The following LILRB5 variants were observed in gnomAD, a reference collection of about 807,000 sequenced individuals.
The protein encoded by LILRB5 is leukocyte immunoglobulin like receptor B5.
Under a neutral mutation model 68.4 loss-of-function variants are expected in LILRB5, and 61 were observed. The ratio of observed to expected loss-of-function variants is 0.89; its 90% confidence interval spans 0.73 to 1.10. The LOEUF (loss-of-function observed/expected upper bound fraction) is 1.10. Among genes scored for constraint, LILRB5 ranks in the 50% least tolerant of loss-of-function variants. LILRB5 has a pLI of 0.00. For missense variants in LILRB5, 771 were observed against 751.6 expected (o/e 1.03, Z -0.30); for synonymous variants, 356 against 315.8 (o/e 1.13, Z -1.35).
intron 8 of LILRB5, 31 bp from the exon 9 acceptor site, chr19:54,253,018 G>A (rs767902113): frequency 6.9e-7 from 1 of 1,448,614 alleles, no homozygotes; most frequent in Non-Finnish European, 9.4e-7. Context: ...GAATGGGGAT[G>A]ACGTCATTGA....
At chr19:54,253,759 A>T in intron 8 of LILRB5, 2 of 1,308,436 alleles carry the variant, frequency 1.5e-6, no homozygotes, top group Non-Finnish European at 2.1e-6. Context: ...CTGCAGGGAA[A>T]GAGCCTGAAT....
intron 11 of LILRB5, 106 bp downstream of exon 11, chr19:54,252,260 C>A: frequency 7.0e-7 from 1 of 1,428,042 alleles, no homozygotes; most frequent in Non-Finnish European, 9.8e-7. Flanking sequence ...AGACCGCCTC[C>A]CCCTTGGCCC....
At chr19:54,254,467 A>G in intron 6 of LILRB5, 52 bp from the exon 7 acceptor site, 1 of 1,526,942 alleles carries the variant, frequency 6.5e-7, no homozygotes, top group African/African-American at 1.4e-5. Context: ...GAGTGAGGAA[A>G]CCCGTCCCTC....
chr19:54,254,752 TG>T lies in LILRB5; in HGVS notation c.1237del (p.Gln413ArgfsTer49). The stretch of plus-strand genomic sequence containing the variant: ...GCCCTCACCTGAGACCACGAGCTCC[TG>T]GGGGTAACTAGGGCTGGACAGCAGG... ...PYLLSSPSYP[Q>X]ELVVSGPSGD... On this transcript the variant is annotated frameshift_variant, in exon 6 of 13. Transcript: ENST00000449561. LOFTEE classifies it high-confidence loss of function. The T allele has an allele frequency of 6.2e-7, 1 of 1,613,998 alleles. No individual in the cohort carries two copies. The highest frequency in any genetic ancestry group is 1.7e-4 in the Middle Eastern group (1 of 6,046).
chr19:54,253,107 G>T, intron 8 of LILRB5, 120 bp from the exon 9 acceptor site: 1 of 442,550 alleles, frequency 2.3e-6, no homozygotes, highest in Non-Finnish European at 3.9e-6. Flanking sequence ...TGTGCAACAT[G>T]GGATTGCCAA....
chr19:54,255,631 CCCTT>C, intron 4 of LILRB5, 49 bp from the exon 5 acceptor site: 1 of 1,566,052 alleles, frequency 6.4e-7, no homozygotes, highest in Non-Finnish European at 8.7e-7. Flanking sequence ...CCTCCCCCGC[CCCTT>C]CCTTCTCCCG....
chr19:54,252,821 C>A, intron 9 of LILRB5, 50 bp downstream of exon 9: 1 of 1,509,188 alleles, frequency 6.6e-7, no homozygotes. Context: ...CTGGCTGGTG[C>A]CCCGAGCCCA....
intron 8 of LILRB5, 37 bp downstream of exon 8, chr19:54,253,981 G>A (rs756703766): frequency 1.3e-5 from 20 of 1,567,512 alleles, no homozygotes; most frequent in Non-Finnish European, 1.6e-5. Context: ...GCCTCCCCTG[G>A]TCTCCGCCCA....
intron 4 of LILRB5, 63 bp from the exon 5 acceptor site, chr19:54,255,645 G>T: frequency 1.3e-6 from 2 of 1,493,560 alleles, no homozygotes; most frequent in Non-Finnish European, 1.8e-6. Flanking sequence ...TCCTTCTCCC[G>T]TCCTGGCGTC....
In LILRB5 at chr19:54,256,475, G is replaced by A; in HGVS notation, c.355+14C>T. On this transcript the variant is annotated intron_variant, in intron 3 of 12. Coordinates refer to ENST00000449561, the MANE Select transcript of LILRB5 (RefSeq NM_001081442.3). ...GGCAGAGCCTGGGGCTGGGACCCCT[G>A]AGTGTCCTCTCACCTGTCGCCACCA... 1 of 1,613,384 alleles carries A rather than the reference G, an allele frequency of 6.2e-7. No individual in the cohort carries two copies. Among genetic ancestry groups the A allele is most frequent in the Non-Finnish European group, 8.5e-7 (1 of 1,179,676 alleles).
chr19:54,254,185 C>A (rs987986307), intron 7 of LILRB5, 117 bp from the exon 8 acceptor site: 14 of 1,507,294 alleles, frequency 9.3e-6, no homozygotes, highest in Non-Finnish European at 1.2e-5. Context: ...CGACGCCCGC[C>A]CCCTCACCGG....
chr19:54,254,807 A>G lies in LILRB5; in HGVS notation c.1183T>C (p.Cys395Arg), dbSNP rs761698629. The stretch of plus-strand genomic sequence containing the variant: ...GGGTAGGACCTGATTGCGCTGTAGC[A>G]TCGGTAGGTTCCACCCTGGGCTGAG... The part of the protein sequence containing the change: ...VTSAQGGTYR[C>R]YSAIRSYPYL... Residue 395 changes from cysteine (C) to arginine (R), a missense_variant, in exon 6 of 13, where the codon TGC becomes CGC. Physicochemically the swap from Cys to Arg is radical, Grantham distance 180. Transcript: ENST00000449561. 3.7e-6 allele frequency: 6 copies of G among 1,614,138 alleles called. No homozygotes were observed. Among genetic ancestry groups the G allele is most frequent in the Non-Finnish European group, 4.2e-6 (5 of 1,179,994 alleles).
At chr19:54,254,580 G>C in intron 6 of LILRB5, 155 bp downstream of exon 6, 1 of 1,230,268 alleles carries the variant, frequency 8.1e-7, no homozygotes, top group South Asian at 1.4e-5. Flanking sequence ...AGCCCCCGTT[G>C]TCCTCCTCCC....
intron 2 of LILRB5, 87 bp from the exon 3 acceptor site, chr19:54,256,860 T>C (rs766608334): frequency 1.1e-5 from 18 of 1,607,690 alleles, no homozygotes; most frequent in Admixed American, 1.7e-5. Flanking sequence ...GACGTCCCCA[T>C]CAGTCAGCCC....
Position 54,255,469 on chromosome 19 carries a change from T to G in LILRB5, c.769A>C (p.Lys257Gln). 1 of 1,614,044 alleles carries G rather than the reference T, an allele frequency of 6.2e-7. No individual in the cohort carries two copies. The highest frequency in any genetic ancestry group is 8.5e-7 in the Non-Finnish European group (1 of 1,179,966). ...DVGYDIFVLY[K>Q]EGEHDLVQGS... ...TGGACGAGGTCATGTTCCCCCTCCTTGTACAGAACGAATATGTCATAGCCG... is the reference window on the plus strand; with the variant it reads ...TGGACGAGGTCATGTTCCCCCTCCTGGTACAGAACGAATATGTCATAGCCG... Residue 257 changes from lysine (K) to glutamine (Q), a missense_variant, in exon 5 of 13, where the codon AAG becomes CAG. Physicochemically the swap from Lys to Gln is moderately conservative, Grantham distance 53 (BLOSUM62 1). Coordinates refer to ENST00000449561, the MANE Select transcript of LILRB5 (RefSeq NM_001081442.3).
chr19:54,255,779 C>T, intron 4 of LILRB5, 197 bp from the exon 5 acceptor site: 2 of 735,660 alleles, frequency 2.7e-6, no homozygotes, highest in South Asian at 3.8e-5. Context: ...TGGCCACTGT[C>T]TGTCTGGTCT....
rs759142841 is a variant in LILRB5, at chr19:54,254,675, C to A, written c.1255+60G>T. 4 of 1,600,908 alleles carry A rather than the reference C, an allele frequency of 2.5e-6. No individual in the cohort carries two copies. The African/African-American group carries it at 5.4e-5, about 21-fold the overall frequency. On this transcript the variant is annotated intron_variant, in intron 6 of 12. Coordinates refer to ENST00000449561, the MANE Select transcript of LILRB5 (RefSeq NM_001081442.3). ...GACTCCATCCCAGCCCAGAGCTCTC[C>A]TGGGGGCAGGGCCTGAGCTGAGCCT...
chr19:54,254,558 G>T, intron 6 of LILRB5, 143 bp from the exon 7 acceptor site: 1 of 1,255,570 alleles, frequency 8.0e-7, no homozygotes, highest in Non-Finnish European at 1.1e-6. Flanking sequence ...CCAAGTGTGG[G>T]CATGCCTGGG....
chr19:54,256,598 C>T lies in LILRB5; in HGVS notation c.246G>A (p.Lys82=). The part of the protein sequence containing the change: ...QNPLEPGAKA[K]FHIPSTVYDS... ...CATACACCGTGGATGGAATGTGGAA[C>T]TTGGCCTTGGCTCCAGGCTCCAGTG... is the stretch of plus-strand genomic sequence containing the variant. The change falls in exon 3 of 13, where the codon AAG becomes AAA. Residue 82 remains lysine (K), a synonymous_variant. Transcript: ENST00000449561. The T allele has an allele frequency of 6.2e-7, 1 of 1,614,186 alleles. No individual in the cohort carries two copies. Among genetic ancestry groups the T allele is most frequent in the South Asian group, 1.1e-5 (1 of 91,090 alleles).
Sources: gnomAD v4.1 joint callset for allele counts on GRCh38, gnomAD v4.1.1 for gene constraint, MANE v1.5 for transcripts, NCBI Gene and HGNC (gene_info 2026-07-23, HGNC 2026-07-21) for gene names.